The following SH2D3C variants were observed in gnomAD, a reference collection of about 807,000 sequenced individuals.
SH2D3C encodes SH2 domain containing 3C, also known as SH2 domain-containing protein 3C.
SH2D3C carries 25 observed loss-of-function variants against 75.2 expected under a neutral mutation model. The observed-to-expected ratio is 0.33, with a 90% CI of 0.24 to 0.46. SH2D3C has a LOEUF of 0.46. SH2D3C is among the 20% of genes least tolerant of loss of function. SH2D3C has a pLI of 1.00. For missense variants in SH2D3C, 933 were observed against 1,165.3 expected, an observed-to-expected ratio of 0.80 and a Z score of 2.90; for synonymous variants, 450 against 473.7, an observed-to-expected ratio of 0.95 and a Z score of 0.65.
Position 127,742,946 on chromosome 9 carries a change from C to G in SH2D3C, c.1819G>C (p.Val607Leu), listed in dbSNP as rs1188401290. Residue 607 changes from valine (V) to leucine (L), a missense_variant, in exon 8 of 12, where the codon GTT (valine) becomes CTT (leucine). Transcript: ENST00000314830. ...VDCLVARILG[V>L]TKEMQTLMGV... is the part of the protein sequence containing the mutation. Reference sequence around the variant, plus strand: ...ATTAGGGTCTGCATCTCCTTGGTAACGCCCAGTATCCTAGCAACCTGCAAA... The same window carrying G: ...ATTAGGGTCTGCATCTCCTTGGTAAGGCCCAGTATCCTAGCAACCTGCAAA... The G allele has an allele frequency of 6.2e-7, 1 of 1,613,460 alleles. No homozygotes were observed. The highest frequency in any genetic ancestry group is 8.5e-7 in the Non-Finnish European group (1 of 1,179,604).
intron 5 of SH2D3C, among the ~76,000 whole-genome samples, chr9:127,747,584 A>G (rs1033140780): frequency 6.6e-6 from 1 of 150,412 alleles, no homozygotes; most frequent in East Asian, 1.9e-4. Flanking sequence ...CCCAGACTGC[A>G]GTGCAGTGGC....
At position 127,774,407 on chromosome 9, in the gene SH2D3C, C is replaced by G. The variant is rs764175116; in HGVS notation, c.98G>C (p.Arg33Thr). Residue 33 changes from arginine to threonine, a missense_variant, in exon 2 of 12, where the codon AGA (arginine) becomes ACA (threonine). By Grantham distance (71) the Arg-to-Thr change is moderately conservative. Coordinates refer to ENST00000314830, the MANE Select transcript of SH2D3C (RefSeq NM_170600.3). The surrounding 1 kb of genome is among the most constrained non-coding windows in gnomAD (Gnocchi z 4.3). ...CCTACTGATGGAAGCTGAGGATCGT[C>G]TCAGAGTGAAGGACCGAGGGAGGTT... is the stretch of plus-strand genomic sequence containing the variant. ...LSNLPRSFTL[R>T]RSSASISRQS... 3.7e-6 allele frequency: 6 copies of G among 1,613,792 alleles called. No individual in the cohort carries two copies. In the South Asian group the frequency reaches 6.6e-5, roughly 18 times the overall value.
intron 3 of SH2D3C, 138 bp downstream of exon 3, chr9:127,761,473 C>A: frequency 1.7e-6 from 1 of 601,238 alleles, no homozygotes; most frequent in South Asian, 2.2e-5. Context: ...GCCTCGACTC[C>A]GAGAACCTCC....
At chr9:127,771,066 G>T in intron 2 of SH2D3C, 1 of 713,738 alleles carries the variant, frequency 1.4e-6, no homozygotes, top group Non-Finnish European at 2.2e-6. Flanking sequence ...AACTGGCTTA[G>T]AAAAGTCCCT....
chr9:127,768,845 C>T (rs1003837876), intron 2 of SH2D3C, among the ~76,000 whole-genome samples: 1 of 151,804 alleles, frequency 6.6e-6, no homozygotes, highest in Non-Finnish European at 1.5e-5. Flanking sequence ...AAACATGCCA[C>T]GTCAGGGCCT....
At chr9:127,769,189 G>C (rs191586443) in intron 2 of SH2D3C, among the ~76,000 whole-genome samples, 10 of 152,332 alleles carry the variant, frequency 6.6e-5, no homozygotes, top group Admixed American at 6.5e-4. Flanking sequence ...AACAGTGTCT[G>C]AGGCATAGCT....
intron 3 of SH2D3C, 33 bp downstream of exon 3, chr9:127,761,578 T>G (rs1174179360): frequency 1.9e-6 from 3 of 1,556,296 alleles, no homozygotes; most frequent in East Asian, 2.3e-5. Flanking sequence ...ACCTTCAGTG[T>G]CCTCTGACCA....
At position 127,749,119 on chromosome 9, in the gene SH2D3C, T is replaced by C; in HGVS notation, c.1139+92A>G. 1.1e-6 allele frequency: 1 copy of C among 951,572 alleles called. No individual in the cohort carries two copies. The highest frequency in any genetic ancestry group is 1.6e-6 in the Non-Finnish European group (1 of 634,114). 58.9% of individuals were successfully genotyped at this position (951,572 alleles called of 1,614,324 possible). On this transcript the variant is annotated intron_variant, in intron 5 of 11. Transcript: ENST00000314830. This position sits in a 1 kb window ranked among gnomAD's most constrained non-coding sequence, Gnocchi z 5.9. Reference sequence around the variant, plus strand: ...GCACACAGAGGCTCCAGGAGAGTAATTTCATCCCATTTCAGTGTACCTAGG... The same window carrying C: ...GCACACAGAGGCTCCAGGAGAGTAACTTCATCCCATTTCAGTGTACCTAGG...
chr9:127,767,147 G>A (rs1295368401), intron 2 of SH2D3C: 1 of 1,535,450 alleles, frequency 6.5e-7, no homozygotes, highest in Non-Finnish European at 8.7e-7. Context: ...TGAGTGGGCT[G>A]CAGTGTCCAG....
In SH2D3C at chr9:127,748,136, A is replaced by G. The variant is rs3780656; in HGVS notation, c.1140-865T>C. 8.5e-5 allele frequency among the ~76,000 whole-genome samples: 13 copies of G among 152,266 alleles called. No homozygotes were observed. The East Asian group carries it at 2.3e-3, about 27-fold the overall frequency. ...TAGTGCCCTCAGCTTGATAAGCAGA[A>G]TCTTTCCTCCAACCTGGAGAATGGT... On this transcript the variant is annotated intron_variant, in intron 5 of 11. Coordinates refer to ENST00000314830, the MANE Select transcript of SH2D3C (RefSeq NM_170600.3).
chr9:127,766,655 T>C (rs1463934256), intron 2 of SH2D3C, among the ~76,000 whole-genome samples: 1 of 152,172 alleles, frequency 6.6e-6, no homozygotes, highest in Non-Finnish European at 1.5e-5. Flanking sequence ...CTGCAACCTC[T>C]GCCTCCCGGG....
At chr9:127,767,291 A>G (rs1483033198) in intron 2 of SH2D3C, 2 of 1,441,992 alleles carry the variant, frequency 1.4e-6, no homozygotes, top group Middle Eastern at 2.6e-4. Context: ...AAGAGAGAAA[A>G]GAAAAGGCAT....
Position 127,754,417 on chromosome 9 carries a change from G to C in SH2D3C, c.556-3117C>G, listed in dbSNP as rs1341956138. On this transcript the variant is annotated intron_variant, in intron 3 of 11. Coordinates refer to ENST00000314830, the MANE Select transcript of SH2D3C (RefSeq NM_170600.3). The surrounding 1 kb of genome is among the most constrained non-coding windows in gnomAD (Gnocchi z 4.4). ...AGCATCCCCTCCAGCTCCCCTCGGC[G>C]TCCCAACCCCAAGCAAAGCCATCCC... Among the ~76,000 whole-genome samples the C allele has an allele frequency of 1.3e-5, 2 of 152,144 alleles. No individual in the cohort carries two copies. Among genetic ancestry groups the C allele is most frequent in the East Asian group, 1.9e-4 (1 of 5,134 alleles).
At chr9:127,750,851 A>C (rs1449106128) in intron 4 of SH2D3C, among the ~76,000 whole-genome samples, 2 of 152,300 alleles carry the variant, frequency 1.3e-5, no homozygotes, top group African/African-American at 4.8e-5. Flanking sequence ...TATGTAGACC[A>C]GTAACAATAA....
At chr9:127,752,049 C>G (rs1845217444) in intron 3 of SH2D3C, among the ~76,000 whole-genome samples, 1 of 152,134 alleles carries the variant, frequency 6.6e-6, no homozygotes, top group Non-Finnish European at 1.5e-5. Flanking sequence ...AGCAGGGAAG[C>G]CCAAGGCCAC....
intron 8 of SH2D3C, 103 bp downstream of exon 8, chr9:127,742,746 T>G: frequency 1.3e-6 from 1 of 790,086 alleles, no homozygotes; most frequent in Non-Finnish European, 2.0e-6. Context: ...CAGAGCCCCC[T>G]GGGAGCCGAG....
intron 6 of SH2D3C, 99 bp downstream of exon 6, chr9:127,747,048 C>T: frequency 7.7e-7 from 1 of 1,290,418 alleles, no homozygotes. Flanking sequence ...AAGGTCGCGC[C>T]TCATAAAAGA....
intron 3 of SH2D3C, among the ~76,000 whole-genome samples, chr9:127,752,624 C>T (rs1175370634): frequency 6.6e-6 from 1 of 152,170 alleles, no homozygotes. Context: ...CATCCCTCAC[C>T]CCTCTGCTCC....
chr9:127,769,338 T>C (rs1377131543), intron 2 of SH2D3C, among the ~76,000 whole-genome samples: 1 of 152,160 alleles, frequency 6.6e-6, no homozygotes, highest in Non-Finnish European at 1.5e-5. Flanking sequence ...GGGAAGTCAT[T>C]TGAAATAATG....
Sources: gnomAD v4.1 joint callset for allele counts (sites outside exome capture counted in the v4.1 genomes callset) on GRCh38, gnomAD v4.1.1 for gene constraint, Gnocchi (gnomAD v3.1) non-coding constraint, MANE v1.5 for transcripts, NCBI Gene and HGNC (gene_info 2026-07-23, HGNC 2026-07-21) for gene names.